The following RIBC2 variants were observed in gnomAD, a reference collection of about 807,000 sequenced individuals.
The protein encoded by RIBC2 is RIB43A-like with coiled-coils protein 2.
RIBC2 carries 40 observed loss-of-function variants against 44.3 expected under a neutral mutation model. That is an observed-to-expected ratio of 0.90 (90% CI 0.70 to 1.18). RIBC2 has a LOEUF of 1.18. Among genes scored for constraint, RIBC2 ranks in the 50% most tolerant of loss-of-function variants. RIBC2 has a pLI of 0.00. For synonymous variants in RIBC2, 171 were observed against 175.0 expected (o/e 0.98, Z 0.18); for missense variants, 459 against 485.5 (o/e 0.95, Z 0.51).
chr22:45,423,849 C>T (rs952606450), intron 4 of RIBC2, among the ~76,000 whole-genome samples: 1 of 152,182 alleles, frequency 6.6e-6, no homozygotes, highest in Admixed American at 6.5e-5. Flanking sequence ...CTCCAGTCCC[C>T]ACTGCAAGTG....
chr22:45,424,011 T>C (rs1041693356), intron 4 of RIBC2, among the ~76,000 whole-genome samples: 5 of 152,138 alleles, frequency 3.3e-5, no homozygotes, highest in Non-Finnish European at 5.9e-5. Context: ...CTGCTGGGCA[T>C]TGGAGTGGCT....
chr22:45,431,698 G>C lies in RIBC2; in HGVS notation c.1071-586G>C, dbSNP rs187405801. ...TAAGAGTGATCTGAGGGCTGGGCTC[G>C]GTGGCTCACGCCTGTAATCCCAGCA... On this transcript the variant is annotated intron_variant, in intron 6 of 6. Transcript: ENST00000614167. Among the ~76,000 whole-genome samples the C allele has an allele frequency of 2.6e-5, 4 of 152,286 alleles. 1 individual carries two copies. Among genetic ancestry groups the C allele is most frequent in the African/African-American group, 9.6e-5 (4 of 41,554 alleles).
In RIBC2 at chr22:45,413,994, C is replaced by T; in HGVS notation, c.108C>T (p.Asn36=). 6.4e-7 allele frequency: 1 copy of T among 1,551,438 alleles called. No homozygotes were observed. Among genetic ancestry groups the T allele is most frequent in the Non-Finnish European group, 8.7e-7 (1 of 1,146,888 alleles). ...TGTGCAGGCAGAAGCGGGTCTTCAA[C>T]GCCAGAAACAGGATAATTGGGGTGA... ...AELCRQKRVF[N]ARNRIIGGDT... The change falls in exon 1 of 7, where the codon AAC becomes AAT. Residue 36 remains asparagine, a synonymous_variant. Transcript: ENST00000614167.
intron 4 of RIBC2, among the ~76,000 whole-genome samples, chr22:45,423,128 C>T (rs753641460): frequency 2.6e-5 from 4 of 152,006 alleles, no homozygotes; most frequent in African/African-American, 4.8e-5. Context: ...ACTACAGTCA[C>T]GCGCCACCAT....
chr22:45,418,766 A>C (rs11090630), intron 3 of RIBC2, among the ~76,000 whole-genome samples: 93,463 of 151,550 alleles, frequency 0.62, 31,085 homozygotes, highest in African/African-American at 0.87. Context: ...ATCCTCCTCC[A>C]AGCCTCTTCT....
chr22:45,430,949 G>A lies in RIBC2; in HGVS notation c.953G>A (p.Arg318Lys), dbSNP rs1431505960. ...CGAGACCTGGACTGGGACCGGCGGA[G>A]GATTCAGGGGGCTCGCGCCACCCTG... ...RQRDLDWDRR[R>K]IQGARATLLF... Residue 318 changes from arginine to lysine, a missense_variant, in exon 6 of 7, where the codon AGG becomes AAG. Transcript: ENST00000614167. 2 of 1,610,650 alleles carry A rather than the reference G, an allele frequency of 1.2e-6. No homozygotes were observed. Among genetic ancestry groups the A allele is most frequent in the South Asian group, 2.2e-5 (2 of 90,556 alleles).
intron 2 of RIBC2, 64 bp from the exon 3 acceptor site, chr22:45,417,538 A>T: frequency 7.9e-7 from 1 of 1,258,864 alleles, no homozygotes; most frequent in Non-Finnish European, 1.1e-6. Context: ...TAAAAAATAA[A>T]ATGGATTCAA....
chr22:45,426,099 A>AC lies in RIBC2; in HGVS notation c.829dup (p.Arg277ProfsTer53). 6.2e-7 allele frequency: 1 copy of AC among 1,614,012 alleles called. No individual in the cohort carries two copies. Among genetic ancestry groups the AC allele is most frequent in the Non-Finnish European group, 8.5e-7 (1 of 1,180,014 alleles). On this transcript the variant is annotated frameshift_variant, in exon 5 of 7. Transcript: ENST00000614167. LOFTEE classifies it high-confidence loss of function. ...TTCGGGCCCCACCGCGTGGTCCCTG[A>AC]CCGCTGGAAGGGCATGACCCAGGAG...
chr22:45,430,117 G>A (rs938565970), intron 5 of RIBC2, among the ~76,000 whole-genome samples: 1 of 152,164 alleles, frequency 6.6e-6, no homozygotes, highest in African/African-American at 2.4e-5. Flanking sequence ...GACTTGCCTC[G>A]TGGGTGACAA....
intron 5 of RIBC2, among the ~76,000 whole-genome samples, chr22:45,430,431 G>A (rs1400642432): frequency 6.6e-6 from 1 of 152,168 alleles, no homozygotes; most frequent in East Asian, 1.9e-4. Flanking sequence ...TAACCTTCCT[G>A]TCACCGGGTG....
chr22:45,421,608 T>C (rs1328671784), intron 3 of RIBC2, among the ~76,000 whole-genome samples: 1 of 146,202 alleles, frequency 6.8e-6, no homozygotes, highest in Non-Finnish European at 1.5e-5. Flanking sequence ...TTATTAATAA[T>C]AATAATGTTA....
At chr22:45,423,135 C>T (rs540731479) in intron 4 of RIBC2, among the ~76,000 whole-genome samples, 13 of 152,172 alleles carry the variant, frequency 8.5e-5, no homozygotes, top group Admixed American at 5.2e-4. Context: ...TCACGCGCCA[C>T]CATGCCCAGC....
chr22:45,420,959 G>A (rs917789727), intron 3 of RIBC2, among the ~76,000 whole-genome samples: 6 of 152,138 alleles, frequency 3.9e-5, no homozygotes, highest in African/African-American at 1.4e-4. Flanking sequence ...CACTTTGGGA[G>A]GCCGAGGTGG....
Position 45,432,424 on chromosome 22 carries a change from G to T in RIBC2, c.*62G>T. On this transcript the variant is annotated 3_prime_UTR_variant, in exon 7 of 7. Coordinates refer to ENST00000614167, the MANE Select transcript of RIBC2 (RefSeq NM_015653.5). ...AAGAGTGGCTACCTTAAAGAGTCAC[G>T]TTTCTTTTTTAAAGATACACTCCTT... is the stretch of plus-strand genomic sequence containing the variant. 4 of 1,150,754 alleles carry T rather than the reference G, an allele frequency of 3.5e-6. No individual in the cohort carries two copies. The South Asian group carries it at 5.3e-5, about 15-fold the overall frequency. The allele number at this position is 1,150,754 out of a possible 1,614,324, so 71.3% of individuals were successfully genotyped here.
chr22:45,430,252 G>T (rs2087567261), intron 5 of RIBC2, among the ~76,000 whole-genome samples: 1 of 152,212 alleles, frequency 6.6e-6, no homozygotes, highest in Non-Finnish European at 1.5e-5. Flanking sequence ...GTGGGCAAAG[G>T]GGACTCGTCT....
chr22:45,424,007 G>A (rs1462192838), intron 4 of RIBC2, among the ~76,000 whole-genome samples: 1 of 151,982 alleles, frequency 6.6e-6, no homozygotes, highest in East Asian at 2.0e-4. Flanking sequence ...CTTCCTGCTG[G>A]GCATTGGAGT....
In RIBC2 at chr22:45,427,425, C is replaced by T. The variant is rs555995223; in HGVS notation, c.903+1250C>T. On this transcript the variant is annotated intron_variant, in intron 5 of 6. Coordinates refer to ENST00000614167, the MANE Select transcript of RIBC2 (RefSeq NM_015653.5). ...CACTTAGTCACAAGGTTGCCCCTAA[C>T]TCTAAAGAAGTCAAGGAAATGCGTT... is the stretch of plus-strand genomic sequence containing the variant. 1.6e-4 allele frequency among the ~76,000 whole-genome samples: 24 copies of T among 152,358 alleles called. 1 individual carries two copies. In the Middle Eastern group the frequency reaches 0.017, roughly 108 times the overall value.
At chr22:45,419,443 G>A in intron 3 of RIBC2, among the ~76,000 whole-genome samples, 1 of 152,120 alleles carries the variant, frequency 6.6e-6, no homozygotes, top group East Asian at 1.9e-4. Flanking sequence ...AAGGCTATCA[G>A]CATCTCTCGG....
intron 4 of RIBC2, among the ~76,000 whole-genome samples, chr22:45,424,746 C>G (rs938511468): frequency 7.8e-6 from 1 of 128,588 alleles, no homozygotes; most frequent in Non-Finnish European, 1.6e-5. Context: ...GCTCACATTT[C>G]TTTTTTCTTT....
Sources: gnomAD v4.1 joint callset for allele counts (sites outside exome capture counted in the v4.1 genomes callset) on GRCh38, gnomAD v4.1.1 for gene constraint, MANE v1.5 for transcripts, NCBI Gene and HGNC (gene_info 2026-07-23, HGNC 2026-07-21) for gene names.